The following SLC4A1AP variants were observed in gnomAD, a reference collection of about 807,000 sequenced individuals.
SLC4A1AP encodes solute carrier family 4 member 1 adaptor protein.
A neutral mutation model predicts 89.7 loss-of-function variants in SLC4A1AP; 64 were observed. The ratio of observed to expected loss-of-function variants is 0.71; its 90% CI spans 0.58 to 0.88. SLC4A1AP has a LOEUF of 0.88. SLC4A1AP is among the 40% of genes least tolerant of loss of function. SLC4A1AP has a pLI of 0.00. For missense variants in SLC4A1AP, 931 were observed against 965.0 expected, an observed-to-expected ratio of 0.96 and a Z score of 0.47; for synonymous variants, 366 against 353.3, an observed-to-expected ratio of 1.04 and a Z score of -0.40.
exon 1 of SLC4A1AP, chr2:27,664,199 C>T: frequency 6.2e-7 from 1 of 1,614,164 alleles, no homozygotes; most frequent in East Asian, 2.2e-5. Flanking sequence ...GCGGTCCAGC[C>T]CGGGCTCCCC....
intron 3 of SLC4A1AP, 22 bp downstream of exon 3, chr2:27,667,412 C>G (rs1392969461): frequency 1.2e-6 from 2 of 1,604,000 alleles, no homozygotes; most frequent in Admixed American, 1.7e-5. Flanking sequence ...GATTCTGACC[C>G]TACCACTAAA....
At chr2:27,689,084 G>A (rs930216063) in intron 12 of SLC4A1AP, among the ~76,000 whole-genome samples, 36 of 152,076 alleles carry the variant, frequency 2.4e-4, no homozygotes, top group African/African-American at 8.7e-4. Context: ...AGGATGTGAT[G>A]TACTCCATTC....
At chr2:27,678,720 CTTT>C (rs60572659) in intron 8 of SLC4A1AP, among the ~76,000 whole-genome samples, 11 of 139,164 alleles carry the variant, frequency 7.9e-5, no homozygotes, top group Admixed American at 7.3e-5. Context: ...AACCTAATAC[CTTT>C]TTTTTTTTTT....
intron 2 of SLC4A1AP, among the ~76,000 whole-genome samples, chr2:27,666,941 C>G (rs1675339420): frequency 6.6e-6 from 1 of 151,612 alleles, no homozygotes. Flanking sequence ...GATCTTGGCT[C>G]ACTACAACTT....
At chr2:27,668,153 CT>C (rs397957441) in intron 3 of SLC4A1AP, among the ~76,000 whole-genome samples, 198 of 144,450 alleles carry the variant, frequency 1.4e-3, no homozygotes, top group Non-Finnish European at 1.2e-3. Flanking sequence ...GGAACTTGTT[CT>C]TTTTTTTTTT....
intron 9 of SLC4A1AP, among the ~76,000 whole-genome samples, chr2:27,683,074 T>C (rs1218467873): frequency 6.6e-6 from 1 of 152,198 alleles, no homozygotes; most frequent in Non-Finnish European, 1.5e-5. Context: ...CTTCATTTAA[T>C]CCTTCCAACA....
exon 9 of SLC4A1AP, chr2:27,682,279 A>G: frequency 1.2e-6 from 2 of 1,613,746 alleles, no homozygotes; most frequent in East Asian, 4.5e-5. Context: ...TGCAGAAAAC[A>G]AAGCTAAAAA....
chr2:27,669,526 C>T (rs1350032211), intron 5 of SLC4A1AP, 139 bp downstream of exon 5: 9 of 695,486 alleles, frequency 1.3e-5, no homozygotes, highest in Non-Finnish European at 2.1e-5. Flanking sequence ...TCTCAATACC[C>T]TAAGGTAGCC....
rs1675553625 is a variant in SLC4A1AP at position 27,678,063 on chromosome 2, G to A, written c.1763+139G>A. 34 of 556,792 alleles carry A rather than the reference G, an allele frequency of 6.1e-5. No homozygotes were observed. The South Asian group carries it at 1.3e-3, about 21-fold the overall frequency. The allele number at this position is 556,792 out of a possible 1,614,324, so 34.5% of individuals were successfully genotyped here. A position where few individuals can be genotyped will look rare whatever the true frequency, so the allele number is the denominator to read the frequency against. On this transcript the variant is annotated intron_variant, in intron 8 of 13. Coordinates refer to ENST00000613058, the Ensembl canonical transcript of SLC4A1AP. ...AACCCTTTAAAGCACAGAAAGCAGT[G>A]GTTTCATAGAGTAACTAAAAACCTG...
chr2:27,664,222 C>T, exon 1 of SLC4A1AP: 5 of 1,614,194 alleles, frequency 3.1e-6, no homozygotes, highest in Non-Finnish European at 4.2e-6. Flanking sequence ...TACCAAGAGC[C>T]TCCATGGGGT....
chr2:27,668,155 T>TC (rs1675364261), intron 3 of SLC4A1AP, among the ~76,000 whole-genome samples: 1 of 148,772 alleles, frequency 6.7e-6, no homozygotes, highest in East Asian at 1.9e-4. Flanking sequence ...AACTTGTTCT[T>TC]TTTTTTTTTT....
At chr2:27,664,632 G>A (rs1423967780) in intron 1 of SLC4A1AP, 55 bp downstream of exon 1, 1 of 1,324,876 alleles carries the variant, frequency 7.5e-7, no homozygotes, top group Non-Finnish European at 1.1e-6. Flanking sequence ...GCGTTCTTGT[G>A]CTTCTTAAGC....
chr2:27,666,870 T>C (rs1384413286), intron 2 of SLC4A1AP, among the ~76,000 whole-genome samples: 3 of 52,000 alleles, frequency 5.8e-5, no homozygotes, highest in African/African-American at 9.9e-5. Context: ...TATATATATA[T>C]ATTTTTTTTT....
At chr2:27,693,616 C>T (rs1226773009) in intron 12 of SLC4A1AP, 69 bp from the exon 13 acceptor site, 3 of 1,258,072 alleles carry the variant, frequency 2.4e-6, no homozygotes, top group Non-Finnish European at 3.4e-6. Flanking sequence ...GGACCCCAAT[C>T]CCTTCTGCAG....
At chr2:27,677,410 C>T in intron 7 of SLC4A1AP, 46 bp downstream of exon 7, 1 of 1,278,472 alleles carries the variant, frequency 7.8e-7, no homozygotes, top group Non-Finnish European at 1.1e-6. Flanking sequence ...ATATAGTGCT[C>T]TATGCTAGGC....
intron 5 of SLC4A1AP, among the ~76,000 whole-genome samples, chr2:27,672,528 CT>C (rs1366688521): frequency 6.6e-6 from 1 of 152,040 alleles, no homozygotes; most frequent in Non-Finnish European, 1.5e-5. Context: ...ATAATATCCT[CT>C]TGTTTCATGG....
At chr2:27,677,432 A>G in intron 7 of SLC4A1AP, 68 bp downstream of exon 7, 1 of 1,047,810 alleles carries the variant, frequency 9.5e-7, no homozygotes, top group Non-Finnish European at 1.5e-6. Context: ...CTGGGGCTAC[A>G]TTAGTTAATA....
rs984162490 is a variant in SLC4A1AP, at chr2:27,682,451, A to G, written c.1875+92A>G. The G allele has an allele frequency of 9.8e-6, 7 of 714,218 alleles. No individual in the cohort carries two copies. In the Middle Eastern group the frequency reaches 1.0e-3, roughly 107 times the overall value. The allele number at this position is 714,218 out of a possible 1,614,324, so 44.2% of individuals were successfully genotyped here. A position where few individuals can be genotyped will look rare whatever the true frequency, so the allele number is the denominator to read the frequency against. On this transcript the variant is annotated intron_variant, in intron 9 of 13. Coordinates refer to ENST00000613058, the Ensembl canonical transcript of SLC4A1AP. ...TCTTTTTTGAAACTACAAATGACTC[A>G]TTCCATAGTAATGTGAGAAAGGGCT... is the stretch of plus-strand genomic sequence containing the variant.
chr2:27,689,111 T>TTTTA (rs200134185), intron 12 of SLC4A1AP, among the ~76,000 whole-genome samples: 2,069 of 152,170 alleles, frequency 0.014, 31 homozygotes, highest in African/African-American at 0.034. Flanking sequence ...TGTTTTTTTG[T>TTTTA]TTTATTTATT....
Sources: gnomAD v4.1 joint callset for allele counts (sites outside exome capture counted in the v4.1 genomes callset) on GRCh38, gnomAD v4.1.1 for gene constraint, MANE v1.5 for transcripts, NCBI Gene and HGNC (gene_info 2026-07-23, HGNC 2026-07-21) for gene names.